Variants in PRKCE observed in about 807,000 individuals in gnomAD.
PRKCE encodes the protein protein kinase C epsilon type.
Under a neutral mutation model 85.4 loss-of-function variants are expected in PRKCE, and 16 were observed. That is an observed-to-expected ratio of 0.19 (90% CI 0.13 to 0.28). The LOEUF (loss-of-function observed/expected upper bound fraction) is 0.28, where lower values mean the gene tolerates loss of function less well. Ranked by LOEUF, PRKCE falls within the 10% of genes least tolerant of loss-of-function variation. The pLI is 1.00. For missense variants in PRKCE, 573 were observed against 975.2 expected, an observed-to-expected ratio of 0.59 and a Z score of 5.49; for synonymous variants, 388 against 371.5, an observed-to-expected ratio of 1.04 and a Z score of -0.51.
At chr2:46,000,457 T>TAA (rs58175194) in intron 6 of PRKCE, among the ~76,000 whole-genome samples, 3 of 148,812 alleles carry the variant, frequency 2.0e-5, no homozygotes, top group South Asian at 4.3e-4. Context: ...CAATCTCTGA[T>TAA]AAAAAAAAAA....
intron 14 of PRKCE, among the ~76,000 whole-genome samples, chr2:46,173,721 A>G (rs969203085): frequency 3.3e-5 from 5 of 152,230 alleles, no homozygotes; most frequent in African/African-American, 9.6e-5. Context: ...TCTTTATAAC[A>G]GGGACACCTG....
chr2:46,172,284 T>C (rs776309731), intron 14 of PRKCE, among the ~76,000 whole-genome samples: 1 of 152,176 alleles, frequency 6.6e-6, no homozygotes. Flanking sequence ...CTGGGGCACT[T>C]AGCGACATAT....
chr2:45,812,511 C>T (rs1235230992), intron 1 of PRKCE, among the ~76,000 whole-genome samples: 2 of 152,216 alleles, frequency 1.3e-5, no homozygotes, highest in African/African-American at 2.4e-5. Flanking sequence ...TCCCATCTTA[C>T]ATTCTGTGTG....
At chr2:45,834,689 C>T (rs1302851282) in intron 1 of PRKCE, among the ~76,000 whole-genome samples, 1 of 152,062 alleles carries the variant, frequency 6.6e-6, no homozygotes, top group Non-Finnish European at 1.5e-5. Flanking sequence ...GCTTTATCCC[C>T]CCTCCACTTA....
chr2:45,810,776 A>G (rs1220760924), intron 1 of PRKCE, among the ~76,000 whole-genome samples: 2 of 152,302 alleles, frequency 1.3e-5, no homozygotes, highest in Admixed American at 1.3e-4. Context: ...TGTAGAGACA[A>G]AATCTAACTT....
intron 10 of PRKCE, among the ~76,000 whole-genome samples, chr2:46,027,888 G>A (rs1707233017): frequency 6.6e-6 from 1 of 152,076 alleles, no homozygotes; most frequent in African/African-American, 2.4e-5. Context: ...CAGAACTGCT[G>A]GCCCACCTTC....
intron 2 of PRKCE, among the ~76,000 whole-genome samples, chr2:45,909,531 T>C (rs1228656332): frequency 6.6e-6 from 1 of 152,224 alleles, no homozygotes; most frequent in African/African-American, 2.4e-5. Context: ...AAGGGCATAG[T>C]TGAGAATGCT....
intron 1 of PRKCE, among the ~76,000 whole-genome samples, chr2:45,810,652 C>T (rs978013734): frequency 6.6e-6 from 1 of 152,148 alleles, no homozygotes; most frequent in Non-Finnish European, 1.5e-5. Flanking sequence ...GGCAGAATCT[C>T]GGCTCATTGC....
chr2:46,028,884 C>T (rs1707319428), intron 10 of PRKCE, among the ~76,000 whole-genome samples: 1 of 152,154 alleles, frequency 6.6e-6, no homozygotes, highest in Non-Finnish European at 1.5e-5. Context: ...TCATTTAGCT[C>T]TCACTTACAA....
At chr2:45,805,212 G>GA (rs1277605710) in intron 1 of PRKCE, among the ~76,000 whole-genome samples, 1 of 152,200 alleles carries the variant, frequency 6.6e-6, no homozygotes, top group Non-Finnish European at 1.5e-5. Context: ...TTACAGATGA[G>GA]AAAACAGAGC....
At chr2:46,063,115 G>A (rs1335493823) in intron 10 of PRKCE, among the ~76,000 whole-genome samples, 1 of 152,196 alleles carries the variant, frequency 6.6e-6, no homozygotes, top group South Asian at 2.1e-4. Context: ...ACGAGAGGGC[G>A]ATGATTGTTG....
At chr2:45,923,371 C>A (rs937424565) in intron 2 of PRKCE, among the ~76,000 whole-genome samples, 5 of 152,214 alleles carry the variant, frequency 3.3e-5, no homozygotes, top group Non-Finnish European at 5.9e-5. Context: ...AGAGCAGTGG[C>A]CATGTGGAGA....
At chr2:45,812,784 G>A (rs1688743341) in intron 1 of PRKCE, among the ~76,000 whole-genome samples, 1 of 152,218 alleles carries the variant, frequency 6.6e-6, no homozygotes, top group South Asian at 2.1e-4. Context: ...GTGGTGGTAA[G>A]AATAGAAGTA....
chr2:45,694,450 G>A (rs532365508), intron 1 of PRKCE, among the ~76,000 whole-genome samples: 1 of 152,262 alleles, frequency 6.6e-6, no homozygotes, highest in African/African-American at 2.4e-5. Flanking sequence ...GGTGCCAAAG[G>A]TTTCACTCCA....
chr2:45,904,351 G>C (rs1294240054), intron 2 of PRKCE, among the ~76,000 whole-genome samples: 1 of 152,064 alleles, frequency 6.6e-6, no homozygotes, highest in Non-Finnish European at 1.5e-5. Flanking sequence ...TGAACACTAT[G>C]GGGGTGGCAC....
At chr2:45,966,691 TC>T (rs1701753828) in intron 2 of PRKCE, among the ~76,000 whole-genome samples, 1 of 152,158 alleles carries the variant, frequency 6.6e-6, no homozygotes, top group South Asian at 2.1e-4. Flanking sequence ...AAGTCAGTGT[TC>T]CTTGCCCAGC....
intron 10 of PRKCE, among the ~76,000 whole-genome samples, chr2:46,023,767 G>A (rs1457818964): frequency 6.6e-6 from 1 of 152,142 alleles, no homozygotes; most frequent in Non-Finnish European, 1.5e-5. Context: ...GCCCCCCACT[G>A]CCTGTGGTTT....
chr2:46,183,714 C>T (rs1680217038), intron 14 of PRKCE, among the ~76,000 whole-genome samples: 1 of 152,200 alleles, frequency 6.6e-6, no homozygotes, highest in Admixed American at 6.5e-5. Flanking sequence ...ATCCTTCTCC[C>T]TGCCAAGGTG....
intron 1 of PRKCE, among the ~76,000 whole-genome samples, chr2:45,687,989 G>C (rs1428392042): frequency 6.6e-6 from 1 of 152,218 alleles, no homozygotes; most frequent in Non-Finnish European, 1.5e-5. Flanking sequence ...CCCAGAAGAT[G>C]TGCTCCTCCC....
Sources: allele counts gnomAD v4.1 joint callset (sites outside exome capture counted in the v4.1 genomes callset), GRCh38; gene constraint gnomAD v4.1.1; transcripts MANE v1.5; gene names NCBI Gene and HGNC (gene_info 2026-07-23, HGNC 2026-07-21).